Variants in GRM7 observed in about 807,000 individuals in gnomAD.
The protein encoded by GRM7 is glutamate metabotropic receptor 7.
A neutral mutation model predicts 84.5 loss-of-function variants in GRM7; 35 were observed. The observed-to-expected ratio is 0.41, with a 90% confidence interval of 0.32 to 0.55. GRM7 has a LOEUF of 0.55. Ranked by LOEUF, GRM7 falls within the 20% of genes least tolerant of loss-of-function variation. GRM7 has a pLI of 0.19. For missense variants in GRM7, 1,003 were observed against 1,194.6 expected, an observed-to-expected ratio of 0.84 and a Z score of 2.36; for synonymous variants, 487 against 455.1, an observed-to-expected ratio of 1.07 and a Z score of -0.89.
chr3:7,627,259 G>C (rs1037993401), intron 8 of GRM7, among the ~76,000 whole-genome samples: 9 of 152,136 alleles, frequency 5.9e-5, no homozygotes, highest in Admixed American at 2.0e-4. Context: ...TTATTGATCA[G>C]CACATGTTTG....
intron 8 of GRM7, among the ~76,000 whole-genome samples, chr3:7,594,386 G>A (rs1455018583): frequency 2.0e-5 from 3 of 152,086 alleles, no homozygotes; most frequent in African/African-American, 4.8e-5. Context: ...GGAGTTGTAC[G>A]GTGTGTTGCC....
In GRM7 at chr3:7,369,328, G is replaced by C. The variant is rs73115508; in HGVS notation, c.1034-45695G>C. ...GATGACTCTGATGTTGTCACCACGT[G>C]TCTTCCATATCTAGGCAGGTCTCAT... On this transcript the variant is annotated intron_variant, in intron 4 of 9. Transcript: ENST00000357716. Among the ~76,000 whole-genome samples, 1,227 of 152,202 alleles carry C rather than the reference G, an allele frequency of 8.1e-3. 13 individuals carry two copies. Among genetic ancestry groups the C allele is most frequent in the African/African-American group, 0.028 (1,165 of 41,542 alleles).
At chr3:7,582,105 C>T (rs996076469) in intron 8 of GRM7, among the ~76,000 whole-genome samples, 6 of 152,156 alleles carry the variant, frequency 3.9e-5, no homozygotes, top group Admixed American at 3.9e-4. Flanking sequence ...ATCAATAGCA[C>T]AGTAGAAGCT....
In GRM7 at chr3:7,023,467, G is replaced by A. The variant is rs138183641; in HGVS notation, c.520-122985G>A. On this transcript the variant is annotated intron_variant, in intron 1 of 9. Coordinates refer to ENST00000357716, the MANE Select transcript of GRM7 (RefSeq NM_000844.4). ...GCATGCCCAGGTGCCTTGTGTTGGG[G>A]CATCATTTTCTGTGCCCCAACATAA... 8.6e-3 allele frequency among the ~76,000 whole-genome samples: 1,304 copies of A among 152,122 alleles called. 9 individuals are homozygous for A. Among genetic ancestry groups the A allele is most frequent in the Non-Finnish European group, 0.014 (983 of 67,986 alleles).
At chr3:7,404,079 A>G (rs753810003) in intron 4 of GRM7, among the ~76,000 whole-genome samples, 1 of 152,202 alleles carries the variant, frequency 6.6e-6, no homozygotes. Flanking sequence ...TTGGAGTCCA[A>G]GCAAACGTAA....
At chr3:6,997,855 G>A (rs1442594045) in intron 1 of GRM7, among the ~76,000 whole-genome samples, 1 of 151,846 alleles carries the variant, frequency 6.6e-6, no homozygotes, top group African/African-American at 2.4e-5. Context: ...GTTAGGGCCA[G>A]GTGTCTGTAA....
chr3:7,105,947 G>A (rs1489097015), intron 1 of GRM7, among the ~76,000 whole-genome samples: 1 of 151,424 alleles, frequency 6.6e-6, no homozygotes, highest in African/African-American at 2.4e-5. Context: ...AATTTATATT[G>A]GTATTTATTG....
intron 1 of GRM7, among the ~76,000 whole-genome samples, chr3:6,920,590 C>T (rs1575015685): frequency 6.6e-6 from 1 of 152,114 alleles, no homozygotes; most frequent in South Asian, 2.1e-4. Context: ...ATGACTTTTC[C>T]CACAAATATT....
chr3:7,043,095 G>C (rs540446002), intron 1 of GRM7, among the ~76,000 whole-genome samples: 21 of 152,152 alleles, frequency 1.4e-4, no homozygotes, highest in African/African-American at 5.1e-4. Flanking sequence ...TTTCCACTTC[G>C]GCTACTGCTA....
chr3:6,918,744 T>A (rs992336746), intron 1 of GRM7, among the ~76,000 whole-genome samples: 3 of 152,050 alleles, frequency 2.0e-5, no homozygotes, highest in African/African-American at 4.8e-5. Flanking sequence ...AGGAGAAGAT[T>A]AAAGGCTCAG....
chr3:7,598,278 T>C (rs1313691186), intron 8 of GRM7, among the ~76,000 whole-genome samples: 1 of 152,236 alleles, frequency 6.6e-6, no homozygotes, highest in Non-Finnish European at 1.5e-5. Context: ...GCTGTGCTAT[T>C]TGGACACATG....
intron 1 of GRM7, among the ~76,000 whole-genome samples, chr3:7,049,306 G>A (rs1696913267): frequency 6.6e-6 from 1 of 151,950 alleles, no homozygotes; most frequent in Admixed American, 6.6e-5. Flanking sequence ...CCACATGGCT[G>A]GGAGGCCTCA....
At chr3:7,074,743 A>G (rs560149657) in intron 1 of GRM7, among the ~76,000 whole-genome samples, 1 of 152,200 alleles carries the variant, frequency 6.6e-6, no homozygotes, top group African/African-American at 2.4e-5. Context: ...AGAAATACCA[A>G]TGTAGAATAA....
intron 4 of GRM7, among the ~76,000 whole-genome samples, chr3:7,356,297 AT>A (rs1011380269): frequency 4.2e-4 from 63 of 148,938 alleles, no homozygotes; most frequent in East Asian, 5.9e-4. Flanking sequence ...GCAGAGGAGG[AT>A]TTTTTTTTTT....
chr3:7,226,912 A>G (rs559083879), intron 2 of GRM7, among the ~76,000 whole-genome samples: 1 of 152,292 alleles, frequency 6.6e-6, no homozygotes, highest in African/African-American at 2.4e-5. Flanking sequence ...AAGCCTAAGA[A>G]TGGCATTGCT....
chr3:7,536,542 G>T (rs1287361187), intron 7 of GRM7, among the ~76,000 whole-genome samples: 1 of 152,154 alleles, frequency 6.6e-6, no homozygotes, highest in East Asian at 1.9e-4. Context: ...TATCAGGATT[G>T]GTCTGTGCAA....
chr3:7,364,034 T>A (rs562225171), intron 4 of GRM7, among the ~76,000 whole-genome samples: 1 of 152,192 alleles, frequency 6.6e-6, no homozygotes, highest in South Asian at 2.1e-4. Flanking sequence ...GTATATCCTG[T>A]AAACTGTGCC....
intron 1 of GRM7, among the ~76,000 whole-genome samples, chr3:7,072,913 C>G (rs1434195887): frequency 6.6e-6 from 1 of 152,110 alleles, no homozygotes; most frequent in Non-Finnish European, 1.5e-5. Context: ...GTAATAGATT[C>G]AGATCATGAC....
At chr3:7,689,858 G>T (rs1037179360) in intron 9 of GRM7, among the ~76,000 whole-genome samples, 44 of 152,254 alleles carry the variant, frequency 2.9e-4, no homozygotes, top group African/African-American at 1.1e-3. Flanking sequence ...GAACTGACTA[G>T]GAGTGGGGGA....
Sources: gnomAD v4.1 joint callset for allele counts (sites outside exome capture counted in the v4.1 genomes callset) on GRCh38, gnomAD v4.1.1 for gene constraint, MANE v1.5 for transcripts, NCBI Gene and HGNC (gene_info 2026-07-23, HGNC 2026-07-21) for gene names.